The following RAB3B variants were observed in gnomAD, a reference collection of about 807,000 sequenced individuals.
The protein encoded by RAB3B is RAB3B, member RAS oncogene family, also known as ras-related protein Rab-3B.
Under a neutral mutation model 20.5 loss-of-function variants are expected in RAB3B, and 11 were observed. The ratio of observed to expected loss-of-function variants is 0.54; its 90% CI spans 0.34 to 0.89. RAB3B has a LOEUF of 0.89. RAB3B is among the 40% of genes least tolerant of loss of function. The pLI is 0.02. For missense variants in RAB3B, 225 were observed against 280.9 expected, an observed-to-expected ratio of 0.80 and a Z score of 1.42; for synonymous variants, 99 against 106.3, an observed-to-expected ratio of 0.93 and a Z score of 0.42.
intron 2 of RAB3B, among the ~76,000 whole-genome samples, chr1:51,949,064 C>A (rs1684600584): frequency 6.6e-6 from 1 of 152,188 alleles, no homozygotes. Flanking sequence ...AAGATGGAGT[C>A]CAAGCTTCTC....
At chr1:51,964,239 T>A (rs1289990868) in intron 2 of RAB3B, among the ~76,000 whole-genome samples, 2 of 152,172 alleles carry the variant, frequency 1.3e-5, no homozygotes, top group East Asian at 3.9e-4. Flanking sequence ...GTTCCCATAT[T>A]CATAACCTAG....
rs528767422 is a variant in RAB3B at position 51,916,804 on chromosome 1, A to C, written c.*3123T>G. 7.2e-5 allele frequency: 11 copies of C among 152,336 alleles called. No individual in the cohort carries two copies. The highest frequency in any genetic ancestry group is 2.4e-4 in the African/African-American group (10 of 41,578). 9.4% of individuals were successfully genotyped at this position (152,336 alleles called of 1,614,324 possible). On this transcript the variant is annotated 3_prime_UTR_variant, in exon 5 of 5. Transcript: ENST00000371655. ...CTGACTCGCCTTTCCTGAGCATTAG[A>C]CATCCATCACCTGGGATTAGTCTGA...
chr1:51,945,288 C>G (rs1384949179), intron 2 of RAB3B, among the ~76,000 whole-genome samples: 1 of 152,246 alleles, frequency 6.6e-6, no homozygotes, highest in African/African-American at 2.4e-5. Flanking sequence ...CCTCCCACCT[C>G]AGCCTCCCAA....
rs537114932 is a variant in RAB3B at position 51,912,659 on chromosome 1, G to C, written c.*7268C>G. ...AGAGTGGAGTAATTACGTAAGTAGG[G>C]AAATGTTAGGAACTCTGTGGTAGCT... On this transcript the variant is annotated 3_prime_UTR_variant, in exon 5 of 5. Transcript: ENST00000371655. 1.4e-5 allele frequency: 2 copies of C among 145,054 alleles called. No individual in the cohort carries two copies. The highest frequency in any genetic ancestry group is 4.4e-4 in the South Asian group (2 of 4,584). 9.0% of individuals were successfully genotyped at this position (145,054 alleles called of 1,614,324 possible).
intron 2 of RAB3B, among the ~76,000 whole-genome samples, chr1:51,965,055 C>A (rs1389537245): frequency 6.6e-6 from 1 of 150,514 alleles, no homozygotes; most frequent in Non-Finnish European, 1.5e-5. Flanking sequence ...CCAACATGGT[C>A]TCTACTAAAA....
At chr1:51,925,786 G>C (rs1160910235) in intron 4 of RAB3B, among the ~76,000 whole-genome samples, 3 of 152,142 alleles carry the variant, frequency 2.0e-5, no homozygotes, top group Non-Finnish European at 4.4e-5. Flanking sequence ...ATTCCAACCA[G>C]AAAAATGGGA....
At chr1:51,945,871 G>A (rs983841753) in intron 2 of RAB3B, among the ~76,000 whole-genome samples, 1 of 152,186 alleles carries the variant, frequency 6.6e-6, no homozygotes, top group Non-Finnish European at 1.5e-5. Context: ...TCCCAGCTCT[G>A]CCATTCATCA....
At chr1:51,966,622 T>A (rs979345275) in intron 2 of RAB3B, among the ~76,000 whole-genome samples, 4 of 152,182 alleles carry the variant, frequency 2.6e-5, no homozygotes, top group East Asian at 1.9e-4. Context: ...TTGTGATTTT[T>A]AAAATCAGAT....
intron 2 of RAB3B, among the ~76,000 whole-genome samples, chr1:51,955,495 G>A (rs538684261): frequency 1.2e-3 from 185 of 152,106 alleles, no homozygotes; most frequent in African/African-American, 4.3e-3. Flanking sequence ...GGGTTCAAGC[G>A]ATTCTCCTGC....
intron 2 of RAB3B, among the ~76,000 whole-genome samples, chr1:51,944,041 G>T (rs1684530203): frequency 6.6e-6 from 1 of 152,208 alleles, no homozygotes; most frequent in Admixed American, 6.5e-5. Flanking sequence ...TAGCTAGAGA[G>T]AAGTCAATGC....
At chr1:51,938,712 G>A (rs1571963020) in intron 2 of RAB3B, among the ~76,000 whole-genome samples, 1 of 146,638 alleles carries the variant, frequency 6.8e-6, no homozygotes, top group Non-Finnish European at 1.5e-5. Flanking sequence ...GTCTCACTGT[G>A]TGGCCCAGGC....
rs915159927 is a variant in RAB3B, at chr1:51,914,055, C to T, written c.*5872G>A. On this transcript the variant is annotated 3_prime_UTR_variant, in exon 5 of 5. Coordinates refer to ENST00000371655, the MANE Select transcript of RAB3B (RefSeq NM_002867.4). ...CATCCTGCCTCAGCCAGAAGAACCACCCAGCCAACCCACAGAATCATAAGA... is the reference window on the plus strand; with the variant it reads ...CATCCTGCCTCAGCCAGAAGAACCATCCAGCCAACCCACAGAATCATAAGA... The T allele has an allele frequency of 2.6e-5, 4 of 152,196 alleles. No individual in the cohort carries two copies. The highest frequency in any genetic ancestry group is 5.9e-5 in the Non-Finnish European group (4 of 68,062). The allele number at this position is 152,196 out of a possible 1,614,324, so 9.4% of individuals were successfully genotyped here.
At chr1:51,958,178 A>G (rs1021494331) in intron 2 of RAB3B, among the ~76,000 whole-genome samples, 13 of 152,160 alleles carry the variant, frequency 8.5e-5, no homozygotes, top group African/African-American at 3.1e-4. Context: ...GTCACTTTTT[A>G]TATGCAGAAG....
rs944479626 is a variant in RAB3B, at chr1:51,913,855, G to A, written c.*6072C>T. On this transcript the variant is annotated 3_prime_UTR_variant, in exon 5 of 5. Coordinates refer to ENST00000371655, the MANE Select transcript of RAB3B (RefSeq NM_002867.4). Reference sequence around the variant, plus strand: ...CATTGGCAAATGTGATGGAAACAGAGCTTGAAAAGTGCTTCTGTGTTGGAT... The same window carrying A: ...CATTGGCAAATGTGATGGAAACAGAACTTGAAAAGTGCTTCTGTGTTGGAT... 3.9e-5 allele frequency: 6 copies of A among 152,206 alleles called. No individual in the cohort carries two copies. The highest frequency in any genetic ancestry group is 1.4e-4 in the African/African-American group (6 of 41,456). The allele number at this position is 152,206 out of a possible 1,614,324, so 9.4% of individuals were successfully genotyped here.
intron 2 of RAB3B, among the ~76,000 whole-genome samples, chr1:51,955,586 G>A (rs767905385): frequency 6.6e-6 from 1 of 152,210 alleles, no homozygotes; most frequent in Non-Finnish European, 1.5e-5. Flanking sequence ...TTTTAGTAGA[G>A]ACAGGGTTTT....
intron 4 of RAB3B, among the ~76,000 whole-genome samples, chr1:51,928,272 A>G (rs1393350615): frequency 2.0e-5 from 3 of 151,970 alleles, no homozygotes; most frequent in African/African-American, 4.8e-5. Context: ...ACGCCTGGCT[A>G]ATTTTTGTAT....
At chr1:51,965,490 T>A (rs1008699578) in intron 2 of RAB3B, among the ~76,000 whole-genome samples, 1 of 151,694 alleles carries the variant, frequency 6.6e-6, no homozygotes, top group Non-Finnish European at 1.5e-5. Flanking sequence ...CTACTAAAAG[T>A]ACAAAAATTA....
At chr1:51,986,341 G>T (rs563554043) in intron 1 of RAB3B, among the ~76,000 whole-genome samples, 4 of 152,060 alleles carry the variant, frequency 2.6e-5, no homozygotes, top group African/African-American at 9.6e-5. Context: ...TACTAGAGAT[G>T]GGGTTTCACC....
chr1:51,941,323 A>C (rs533952192), intron 2 of RAB3B, among the ~76,000 whole-genome samples: 1 of 152,292 alleles, frequency 6.6e-6, no homozygotes, highest in East Asian at 1.9e-4. Flanking sequence ...TTAAGATCAA[A>C]GATTTTGAGC....
Sources: allele counts gnomAD v4.1 joint callset (sites outside exome capture counted in the v4.1 genomes callset), GRCh38; gene constraint gnomAD v4.1.1; transcripts MANE v1.5; gene names NCBI Gene and HGNC (gene_info 2026-07-23, HGNC 2026-07-21).